Variants in PTPRD observed in about 807,000 individuals in gnomAD.
PTPRD encodes protein tyrosine phosphatase receptor type D.
In PTPRD, 34 loss-of-function variants were observed where a neutral mutation model predicts 214.5. The ratio of observed to expected loss-of-function variants is 0.16; its 90% CI spans 0.12 to 0.21. The LOEUF (loss-of-function observed/expected upper bound fraction) is 0.21, where lower values mean the gene tolerates loss of function less well. Ranked by LOEUF, PTPRD falls within the 10% of genes least tolerant of loss-of-function variation. The pLI is 1.00. For synonymous variants in PTPRD, 1,128 were observed against 845.7 expected (o/e 1.33, Z -5.79); for missense variants, 2,545 against 2,398.7 (o/e 1.06, Z -1.27).
At chr9:9,392,531 T>G (rs1260482076) in intron 9 of PTPRD, among the ~76,000 whole-genome samples, 2 of 152,184 alleles carry the variant, frequency 1.3e-5, no homozygotes, top group Non-Finnish European at 2.9e-5. Context: ...CTTGCAAGAA[T>G]GGGATCCTAT....
intron 9 of PTPRD, among the ~76,000 whole-genome samples, chr9:9,263,601 T>C (rs2099981088): frequency 6.6e-6 from 1 of 151,760 alleles, no homozygotes; most frequent in African/African-American, 2.4e-5. Flanking sequence ...CAATTTTCCC[T>C]GAATTAATTA....
chr9:8,525,777 C>G (rs2073947440), intron 17 of PTPRD, among the ~76,000 whole-genome samples: 1 of 152,080 alleles, frequency 6.6e-6, no homozygotes, highest in African/African-American at 2.4e-5. Context: ...CTAAGACACC[C>G]ATCAAAATCC....
intron 3 of PTPRD, among the ~76,000 whole-genome samples, chr9:10,248,882 T>TTC (rs1216255050): frequency 6.6e-6 from 1 of 151,828 alleles, no homozygotes; most frequent in Non-Finnish European, 1.5e-5. Context: ...TTTTATCTTT[T>TTC]TTTTAGCAAT....
chr9:10,184,572 G>A (rs1251415388), intron 3 of PTPRD, among the ~76,000 whole-genome samples: 1 of 152,168 alleles, frequency 6.6e-6, no homozygotes, highest in South Asian at 2.1e-4. Context: ...GTAAACGTTT[G>A]TTATACTTTG....
intron 2 of PTPRD, among the ~76,000 whole-genome samples, chr9:10,536,122 T>C (rs750252958): frequency 4.6e-5 from 7 of 152,112 alleles, no homozygotes; most frequent in Non-Finnish European, 7.4e-5. Flanking sequence ...TCCTAATCCA[T>C]AGAGCCAAAT....
intron 5 of PTPRD, among the ~76,000 whole-genome samples, chr9:9,826,634 C>A (rs530950279): frequency 1.3e-5 from 2 of 151,912 alleles, no homozygotes; most frequent in African/African-American, 4.8e-5. Flanking sequence ...TACTTAGTGT[C>A]CTTAGTAGTG....
At chr9:9,889,788 AGTGTGTGTGTGTGTGTGTGTGTGTAT>A (rs886364410) in intron 5 of PTPRD, among the ~76,000 whole-genome samples, 15 of 146,314 alleles carry the variant, frequency 1.0e-4, no homozygotes, top group East Asian at 4.0e-4. Context: ...GTTCCTGCTG[AGTGTGTGTGTGTGTGTGTGTGTGTAT>A]GTGTGTGTGT....
intron 11 of PTPRD, among the ~76,000 whole-genome samples, chr9:8,827,233 A>G (rs2097194006): frequency 6.6e-6 from 1 of 152,152 alleles, no homozygotes. Flanking sequence ...TCTAATTCAT[A>G]TTTCAGTCCC....
At chr9:10,415,921 T>C (rs1030833585) in intron 2 of PTPRD, among the ~76,000 whole-genome samples, 7 of 151,792 alleles carry the variant, frequency 4.6e-5, no homozygotes, top group African/African-American at 1.7e-4. Flanking sequence ...AGAGAGAACA[T>C]TTACAGGAGA....
At position 10,024,678 on chromosome 9, in the gene PTPRD, G is replaced by C. The variant is rs998466948; in HGVS notation, c.-472+9040C>G. Among the ~76,000 whole-genome samples the C allele has an allele frequency of 4.6e-5, 7 of 150,832 alleles. No individual in the cohort carries two copies. In the South Asian group the frequency reaches 1.1e-3, roughly 23 times the overall value. ...AAGTTTTAGGGTACATGTGCACAAC[G>C]TGCAGGTTTGTTACATACGTATACA... On this transcript the variant is annotated intron_variant, in intron 4 of 45. Coordinates refer to ENST00000381196, the MANE Select transcript of PTPRD (RefSeq NM_002839.4).
At chr9:9,912,836 G>C (rs1351901299) in intron 5 of PTPRD, among the ~76,000 whole-genome samples, 1 of 152,104 alleles carries the variant, frequency 6.6e-6, no homozygotes, top group East Asian at 1.9e-4. Flanking sequence ...TATTGCAAGA[G>C]TTTTTATATT....
At position 8,487,255 on chromosome 9, in the gene PTPRD, G is replaced by C. The variant is rs1396796533; in HGVS notation, c.2468-906C>G. Among the ~76,000 whole-genome samples the C allele has an allele frequency of 4.6e-5, 7 of 152,210 alleles. No homozygotes were observed. In the East Asian group the frequency reaches 1.4e-3, roughly 29 times the overall value. ...TTAAACTTCTTATGGTGAAAGGCTA[G>C]CTTCCAATGAATACATAATTTATTT... On this transcript the variant is annotated intron_variant, in intron 27 of 45. Coordinates refer to ENST00000381196, the MANE Select transcript of PTPRD (RefSeq NM_002839.4).
At chr9:10,487,108 G>A (rs763379590) in intron 2 of PTPRD, among the ~76,000 whole-genome samples, 12 of 152,056 alleles carry the variant, frequency 7.9e-5, no homozygotes, top group Admixed American at 2.6e-4. Context: ...TTGGTATCAC[G>A]AGTATAGCTA....
chr9:9,656,910 T>A (rs2096529447), intron 7 of PTPRD, among the ~76,000 whole-genome samples: 1 of 152,108 alleles, frequency 6.6e-6, no homozygotes, highest in Non-Finnish European at 1.5e-5. Flanking sequence ...AATTTCCTCT[T>A]GATTTCTCTG....
At chr9:8,438,534 T>G (rs2095434733) in intron 34 of PTPRD, among the ~76,000 whole-genome samples, 1 of 152,200 alleles carries the variant, frequency 6.6e-6, no homozygotes, top group Non-Finnish European at 1.5e-5. Context: ...AGGGTGACAG[T>G]GATCTGATAA....
intron 6 of PTPRD, among the ~76,000 whole-genome samples, chr9:9,758,144 A>G (rs535777571): frequency 2.1e-4 from 29 of 138,236 alleles, no homozygotes; most frequent in Non-Finnish European, 3.6e-4. Context: ...AAGAGTAAAA[A>G]TGGCAAAAAA....
chr9:8,419,641 C>G (rs967424078), intron 35 of PTPRD, among the ~76,000 whole-genome samples: 1 of 151,444 alleles, frequency 6.6e-6, no homozygotes, highest in African/African-American at 2.4e-5. Context: ...TCTTTGGCAT[C>G]TCATATTTCT....
intron 8 of PTPRD, among the ~76,000 whole-genome samples, chr9:9,561,295 C>A (rs1459493976): frequency 6.6e-6 from 1 of 152,280 alleles, no homozygotes; most frequent in East Asian, 1.9e-4. Context: ...GGATACCTTG[C>A]ATGTATTGAT....
chr9:9,532,803 T>C (rs139174415), intron 8 of PTPRD, among the ~76,000 whole-genome samples: 1 of 152,124 alleles, frequency 6.6e-6, no homozygotes, highest in African/African-American at 2.4e-5. Context: ...GGAGCAATCA[T>C]TGAAAAAAGT....
Sources: allele counts gnomAD v4.1 joint callset (sites outside exome capture counted in the v4.1 genomes callset), GRCh38; gene constraint gnomAD v4.1.1; transcripts MANE v1.5; gene names NCBI Gene and HGNC (gene_info 2026-07-23, HGNC 2026-07-21).